The following GRM1 variants were observed in gnomAD, a reference collection of about 807,000 sequenced individuals.
GRM1 encodes the protein glutamate metabotropic receptor 1.
Under a neutral mutation model 90.9 loss-of-function variants are expected in GRM1, and 33 were observed. That is an observed-to-expected ratio of 0.36 (90% CI 0.28 to 0.49). The LOEUF (loss-of-function observed/expected upper bound fraction) is 0.49, where lower values mean the gene tolerates loss of function less well. GRM1 is among the 20% of genes least tolerant of loss of function. The probability of loss-of-function intolerance (pLI) is 0.99; values close to 1 mark genes in which losing one functional copy is unlikely to be tolerated. For synonymous variants in GRM1, 700 were observed against 613.2 expected (o/e 1.14, Z -2.09); for missense variants, 1,190 against 1,534.3 (o/e 0.78, Z 3.75).
At chr6:146,409,105 A>G (rs780488663) in intron 7 of GRM1, among the ~76,000 whole-genome samples, 8 of 152,146 alleles carry the variant, frequency 5.3e-5, no homozygotes, top group Non-Finnish European at 1.2e-4. Context: ...AAGAAATAAT[A>G]TCAGGTATCT....
intron 1 of GRM1, among the ~76,000 whole-genome samples, chr6:146,070,245 T>C (rs546905446): frequency 6.6e-6 from 1 of 152,134 alleles, no homozygotes; most frequent in African/African-American, 2.4e-5. Flanking sequence ...TTTAAAAATA[T>C]CCAAGAAAGC....
At chr6:146,074,111 G>T (rs746374698) in intron 1 of GRM1, among the ~76,000 whole-genome samples, 3 of 152,020 alleles carry the variant, frequency 2.0e-5, no homozygotes, top group African/African-American at 2.4e-5. Flanking sequence ...GAGATAAAAA[G>T]ACCTGCTTAA....
chr6:146,291,535 T>A (rs1782986126), intron 2 of GRM1, among the ~76,000 whole-genome samples: 1 of 151,854 alleles, frequency 6.6e-6, no homozygotes, highest in South Asian at 2.1e-4. Flanking sequence ...AAAGTCCCCC[T>A]TGTCTTCTCT....
rs1172588888 is a variant in GRM1, at chr6:146,435,787, C to A, written c.*991C>A. The A allele has an allele frequency of 6.6e-6, 1 of 152,574 alleles. No homozygotes were observed. Among genetic ancestry groups the A allele is most frequent in the Admixed American group, 6.5e-5 (1 of 15,278 alleles). The allele number at this position is 152,574 out of a possible 1,614,324, so 9.5% of individuals were successfully genotyped here. On this transcript the variant is annotated 3_prime_UTR_variant, in exon 8 of 8. Coordinates refer to ENST00000282753, the MANE Select transcript of GRM1 (RefSeq NM_001278064.2). The stretch of plus-strand genomic sequence containing the variant: ...CATTGACCTTCAGTTAAAGAACAAA[C>A]CATGTGACAAAATTGTTACCTTCCA...
intron 7 of GRM1, among the ~76,000 whole-genome samples, chr6:146,417,893 T>A (rs570140730): frequency 4.6e-5 from 7 of 152,298 alleles, no homozygotes; most frequent in African/African-American, 1.7e-4. Context: ...TTTGGAAGTT[T>A]GTCATCTAAA....
chr6:146,225,571 C>T (rs965986814), intron 2 of GRM1, among the ~76,000 whole-genome samples: 2 of 152,044 alleles, frequency 1.3e-5, no homozygotes, highest in African/African-American at 4.8e-5. Flanking sequence ...GGACTTCAAT[C>T]AGAAATATAA....
At chr6:146,349,044 C>CTATTATTAT (rs71028388) in intron 3 of GRM1, among the ~76,000 whole-genome samples, 10,325 of 141,448 alleles carry the variant, frequency 0.073, 449 homozygotes, top group East Asian at 0.13. Context: ...GAAGTGGTAG[C>CTATTATTAT]TATTATTATT....
rs528367659 is a variant in GRM1 at position 146,081,347 on chromosome 6, A to G, written c.700+51130A>G. On this transcript the variant is annotated intron_variant, in intron 1 of 7. Transcript: ENST00000282753. Reference sequence around the variant, plus strand: ...AAATAAAATAAAGCAATGTGTTTAGAGCAGACTGGGTCATGTTTGAGATCT... The same window carrying G: ...AAATAAAATAAAGCAATGTGTTTAGGGCAGACTGGGTCATGTTTGAGATCT... Among the ~76,000 whole-genome samples, 5 of 152,358 alleles carry G rather than the reference A, an allele frequency of 3.3e-5. No individual in the cohort carries two copies. The South Asian group carries it at 1.0e-3, about 32-fold the overall frequency.
chr6:146,242,895 G>A (rs1468782941), intron 2 of GRM1, among the ~76,000 whole-genome samples: 1 of 152,134 alleles, frequency 6.6e-6, no homozygotes, highest in African/African-American at 2.4e-5. Context: ...GGAAGTGAAT[G>A]CTTGTGGATT....
At chr6:146,239,520 G>A (rs1780774028) in intron 2 of GRM1, among the ~76,000 whole-genome samples, 1 of 152,130 alleles carries the variant, frequency 6.6e-6, no homozygotes, top group East Asian at 1.9e-4. Context: ...ACATAGCCAG[G>A]ACTTCATCAG....
At chr6:146,110,777 A>G (rs543831008) in intron 1 of GRM1, among the ~76,000 whole-genome samples, 147 of 152,314 alleles carry the variant, frequency 9.7e-4, no homozygotes, top group Middle Eastern at 6.8e-3. Context: ...GCCAAACTAG[A>G]TGTTTAGAGA....
chr6:146,370,132 G>A (rs2115090283), intron 5 of GRM1, among the ~76,000 whole-genome samples: 1 of 152,144 alleles, frequency 6.6e-6, no homozygotes, highest in African/African-American at 2.4e-5. Context: ...TCTGATATGA[G>A]TATAGCTATT....
chr6:146,278,482 T>A (rs556930156), intron 2 of GRM1, among the ~76,000 whole-genome samples: 48 of 152,184 alleles, frequency 3.2e-4, no homozygotes, highest in African/African-American at 1.1e-3. Flanking sequence ...GTACATCAAT[T>A]TTGCTTCTTC....
chr6:146,059,654 G>A (rs1351067225), intron 1 of GRM1, among the ~76,000 whole-genome samples: 1 of 152,084 alleles, frequency 6.6e-6, no homozygotes, highest in Non-Finnish European at 1.5e-5. Context: ...AAAGCTTTAT[G>A]TAGTTTGTCT....
At chr6:146,386,505 T>G (rs986435613) in intron 5 of GRM1, among the ~76,000 whole-genome samples, 1 of 152,060 alleles carries the variant, frequency 6.6e-6, no homozygotes, top group Admixed American at 6.6e-5. Context: ...ATTACAGACT[T>G]TTTTAGTAAA....
chr6:146,296,021 A>C (rs1280724420), intron 2 of GRM1, among the ~76,000 whole-genome samples: 2 of 152,212 alleles, frequency 1.3e-5, no homozygotes, highest in Non-Finnish European at 2.9e-5. Flanking sequence ...AATGGCCTCC[A>C]GCTCCATCCA....
At chr6:146,360,113 CAGCTTGCA>C (rs1318113054) in intron 5 of GRM1, among the ~76,000 whole-genome samples, 1 of 152,144 alleles carries the variant, frequency 6.6e-6, no homozygotes, top group Non-Finnish European at 1.5e-5. Context: ...GAGAAACAGG[CAGCTTGCA>C]AGGTGATTGT....
chr6:146,158,902 G>A lies in GRM1; in HGVS notation c.701-446G>A, dbSNP rs1777610879. Among the ~76,000 whole-genome samples, 3 of 152,138 alleles carry A rather than the reference G, an allele frequency of 2.0e-5. No homozygotes were observed. In the South Asian group the frequency reaches 6.2e-4, roughly 31 times the overall value. On this transcript the variant is annotated intron_variant, in intron 1 of 7. Coordinates refer to ENST00000282753, the MANE Select transcript of GRM1 (RefSeq NM_001278064.2). ...TTGCTTGCTCATTCTTCGTGGAAACGTTGCAGGACTTTATGTTACCAAGAG... is the reference window on the plus strand; with the variant it reads ...TTGCTTGCTCATTCTTCGTGGAAACATTGCAGGACTTTATGTTACCAAGAG...
intron 5 of GRM1, among the ~76,000 whole-genome samples, chr6:146,363,225 C>T (rs1190194115): frequency 1.3e-5 from 2 of 152,128 alleles, no homozygotes; most frequent in East Asian, 1.9e-4. Flanking sequence ...AAGTTATGTT[C>T]GGTCATGTCT....
Sources: gnomAD v4.1 joint callset for allele counts (sites outside exome capture counted in the v4.1 genomes callset) on GRCh38, gnomAD v4.1.1 for gene constraint, MANE v1.5 for transcripts, NCBI Gene and HGNC (gene_info 2026-07-23, HGNC 2026-07-21) for gene names.